CDH18: variants seen among roughly 807,000 people sequenced by gnomAD.
CDH18 encodes cadherin 18, also known as cadherin-18.
In CDH18, 31 loss-of-function variants were observed where a neutral mutation model predicts 67.9. The ratio of observed to expected loss-of-function variants is 0.46; its 90% CI spans 0.34 to 0.62. CDH18 has a LOEUF of 0.62. Ranked by LOEUF, CDH18 falls within the 20% of genes least tolerant of loss-of-function variation. The pLI, the probability that CDH18 is intolerant of heterozygous loss-of-function variation, is 0.01. For synonymous variants in CDH18, 362 were observed against 347.2 expected, an observed-to-expected ratio of 1.04 and a Z score of -0.48; for missense variants, 890 against 975.5, an observed-to-expected ratio of 0.91 and a Z score of 1.17.
At chr5:20,142,832 A>C (rs1750352763) in intron 2 of CDH18, among the ~76,000 whole-genome samples, 1 of 152,128 alleles carries the variant, frequency 6.6e-6, no homozygotes, top group Non-Finnish European at 1.5e-5. Flanking sequence ...TATCTTGATC[A>C]TGGACTTCTA....
At chr5:20,138,464 G>A (rs994474761) in intron 2 of CDH18, among the ~76,000 whole-genome samples, 1 of 152,028 alleles carries the variant, frequency 6.6e-6, no homozygotes, top group Non-Finnish European at 1.5e-5. Context: ...GTTCTGGCCA[G>A]GACAATCAGG....
chr5:19,818,232 C>T (rs1779496487), intron 3 of CDH18, among the ~76,000 whole-genome samples: 1 of 152,044 alleles, frequency 6.6e-6, no homozygotes, highest in Non-Finnish European at 1.5e-5. Context: ...AATTGTAATA[C>T]AGGAAGTAAA....
chr5:20,175,237 G>C (rs1737139599), intron 2 of CDH18, among the ~76,000 whole-genome samples: 1 of 152,018 alleles, frequency 6.6e-6, no homozygotes, highest in Admixed American at 6.6e-5. Flanking sequence ...AAGAGAGCAG[G>C]AGGAGGAGGA....
At chr5:20,321,831 C>T (rs569823314) in intron 1 of CDH18, among the ~76,000 whole-genome samples, 2 of 152,206 alleles carry the variant, frequency 1.3e-5, no homozygotes, top group South Asian at 4.1e-4. Context: ...TTTAAAGCCC[C>T]AAAGATAATT....
rs138676430 is a variant in CDH18 at position 19,775,322 on chromosome 5, T to C, written c.229-28086A>G. Among the ~76,000 whole-genome samples the C allele has an allele frequency of 3.9e-3, 593 of 152,272 alleles. 2 individuals carry two copies. Among genetic ancestry groups the C allele is most frequent in the African/African-American group, 0.014 (574 of 41,558 alleles). ...CCATTCTTGCATTGCTATAAAGAAATACCTGAGACGGGGTAATTTATAGGA... is the reference window on the plus strand; with the variant it reads ...CCATTCTTGCATTGCTATAAAGAAACACCTGAGACGGGGTAATTTATAGGA... On this transcript the variant is annotated intron_variant, in intron 3 of 12. Transcript: ENST00000382275.
rs574187533 is a variant in CDH18, at chr5:20,056,924, A to C, written c.-517-64910T>G. Reference sequence around the variant, plus strand: ...ATGGTCTCGATCTCCTGACCTGGTGATCAGCCCGTCTCGGCCTCCCAAAGT... The same window carrying C: ...ATGGTCTCGATCTCCTGACCTGGTGCTCAGCCCGTCTCGGCCTCCCAAAGT... On this transcript the variant is annotated intron_variant, in intron 2 of 14. Transcript: ENST00000507958. Among the ~76,000 whole-genome samples, 3 of 151,884 alleles carry C rather than the reference A, an allele frequency of 2.0e-5. No homozygotes were observed. In the East Asian group the frequency reaches 5.8e-4, roughly 29 times the overall value.
chr5:19,591,339 AGAC>A, intron 6 of CDH18, 95 bp from the exon 7 acceptor site: 1 of 817,804 alleles, frequency 1.2e-6, no homozygotes, highest in Non-Finnish European at 1.8e-6. Flanking sequence ...ATTCAAATGA[AGAC>A]TATATTAGGT....
rs182770541 is a variant in CDH18, at chr5:19,629,150, C to T, written c.644-16549G>A. 2.0e-3 allele frequency among the ~76,000 whole-genome samples: 302 copies of T among 152,152 alleles called. 1 individual carries two copies. In the Middle Eastern group the frequency reaches 0.024, roughly 12 times the overall value. ...ATGTTACGTTAAGTGAATTTTTAAG[C>T]ATAAGAAGACTGGTTGGAAGTAGAG... On this transcript the variant is annotated intron_variant, in intron 5 of 12. Coordinates refer to ENST00000382275, the MANE Select transcript of CDH18 (RefSeq NM_004934.5).
chr5:20,545,865 G>T (rs1364727768), intron 1 of CDH18, among the ~76,000 whole-genome samples: 8 of 152,124 alleles, frequency 5.3e-5, no homozygotes, highest in African/African-American at 1.9e-4. Context: ...TCTACCCCAT[G>T]ATCAGGCTGC....
chr5:19,812,331 A>G (rs1561354549), intron 3 of CDH18, among the ~76,000 whole-genome samples: 1 of 152,204 alleles, frequency 6.6e-6, no homozygotes, highest in Non-Finnish European at 1.5e-5. Context: ...ATTAATACTA[A>G]TAACAATAAT....
chr5:19,631,618 T>C (rs942014308), intron 5 of CDH18, among the ~76,000 whole-genome samples: 7 of 152,014 alleles, frequency 4.6e-5, no homozygotes, highest in African/African-American at 1.7e-4. Context: ...ATGAAGTCTG[T>C]TAAAAATCCT....
intron 2 of CDH18, among the ~76,000 whole-genome samples, chr5:20,104,668 G>C (rs1055726569): frequency 3.9e-5 from 6 of 151,918 alleles, no homozygotes; most frequent in Non-Finnish European, 7.4e-5. Context: ...TCCCATCCCC[G>C]AGAACCATTC....
At chr5:20,293,329 C>CAAAACA (rs1335990294) in intron 1 of CDH18, among the ~76,000 whole-genome samples, 1 of 151,468 alleles carries the variant, frequency 6.6e-6, no homozygotes, top group Non-Finnish European at 1.5e-5. Flanking sequence ...AAAAACAAAA[C>CAAAACA]AAAACAAAAA....
chr5:20,335,463 G>A (rs888745904), intron 1 of CDH18, among the ~76,000 whole-genome samples: 6 of 151,856 alleles, frequency 4.0e-5, no homozygotes, highest in African/African-American at 1.5e-4. Context: ...GGGTAGTCTT[G>A]AACTCCCAGC....
intron 1 of CDH18, among the ~76,000 whole-genome samples, chr5:20,391,954 C>T (rs949245196): frequency 4.6e-5 from 7 of 151,602 alleles, no homozygotes; most frequent in African/African-American, 1.7e-4. Flanking sequence ...GCATAAACAG[C>T]CAAAATATAC....
intron 5 of CDH18, among the ~76,000 whole-genome samples, chr5:19,613,182 G>A (rs533519754): frequency 1.3e-5 from 2 of 152,112 alleles, no homozygotes; most frequent in South Asian, 2.1e-4. Flanking sequence ...GGTCCCTCAA[G>A]GGTAGTCCTG....
intron 7 of CDH18, among the ~76,000 whole-genome samples, chr5:19,587,901 T>A (rs927834997): frequency 4.6e-5 from 7 of 152,132 alleles, no homozygotes; most frequent in Admixed American, 1.3e-4. Context: ...TTCACGATAT[T>A]GATTCTTCCT....
rs113999634 is a variant in CDH18 at position 20,101,243 on chromosome 5, T to C, written c.-517-109229A>G. On this transcript the variant is annotated intron_variant, in intron 2 of 14. Coordinates refer to the CDH18 transcript ENST00000507958. ...TGCCAAAATGCTGACATTACAGGCA[T>C]GAGCCACCACGCCTGGCCAAATCTA... 1.9e-3 allele frequency among the ~76,000 whole-genome samples: 289 copies of C among 152,292 alleles called. 1 individual carries two copies. The highest frequency in any genetic ancestry group is 6.7e-3 in the African/African-American group (279 of 41,554).
In CDH18 at chr5:19,994,855, T is replaced by TATATATAGAG. The variant is rs760777430; in HGVS notation, c.-517-2842_-517-2841insCTCTATATAT. On this transcript the variant is annotated intron_variant, in intron 2 of 14. Coordinates refer to the CDH18 transcript ENST00000507958. ...ATATATATATATATATATATATATATAGAGAGAGAGAGAGAGAGAGAGATG... is the reference window on the plus strand; with the variant it reads ...ATATATATATATATATATATATATATATATATAGAGAGAGAGAGAGAGAGAGAGAGAGATG... Among the ~76,000 whole-genome samples the TATATATAGAG allele has an allele frequency of 7.7e-4, 52 of 67,584 alleles. 6 individuals carry two copies. Among genetic ancestry groups the TATATATAGAG allele is most frequent in the African/African-American group, 1.1e-3 (15 of 13,598 alleles). 44.3% of individuals were successfully genotyped at this position (67,584 alleles called of 152,430 possible). A position where few individuals can be genotyped will look rare whatever the true frequency, so the allele number is the denominator to read the frequency against.
Sources: gnomAD v4.1 joint callset for allele counts (sites outside exome capture counted in the v4.1 genomes callset) on GRCh38, gnomAD v4.1.1 for gene constraint, MANE v1.5 for transcripts, NCBI Gene and HGNC (gene_info 2026-07-23, HGNC 2026-07-21) for gene names.